Variants in REV1 observed in about 807,000 individuals in gnomAD.
REV1 encodes translesion synthesis protein REV1.
Under a neutral mutation model 137.4 loss-of-function variants are expected in REV1, and 42 were observed. That is an observed-to-expected ratio of 0.31 (90% CI 0.24 to 0.40). The LOEUF (loss-of-function observed/expected upper bound fraction) is 0.40, where lower values mean the gene tolerates loss of function less well. Among genes scored for constraint, REV1 ranks in the 10% least tolerant of loss-of-function variants. The pLI, the probability that REV1 is intolerant of heterozygous loss-of-function variation, is 1.00. For missense variants in REV1, 1,282 were observed against 1,490.1 expected (o/e 0.86, Z 2.30); for synonymous variants, 524 against 519.2 (o/e 1.01, Z -0.12).
At chr2:99,415,104 A>C (rs1184996802) in intron 12 of REV1, among the ~76,000 whole-genome samples, 4 of 152,160 alleles carry the variant, frequency 2.6e-5, no homozygotes, top group Non-Finnish European at 5.9e-5. Flanking sequence ...GTGTACCTCC[A>C]ACTCCTATTG....
chr2:99,404,465 T>C lies in REV1; in HGVS notation c.3024A>G (p.Ile1008Met). ...TTACCTGTGAAAATGCTGGAAGGGC[T>C]ATTAAATTTATTCCTGCGTCACTGT... The part of the protein sequence containing the change: ...ESNSDAGINL[I>M]ALPAFSQVDP... Residue 1008 changes from isoleucine (I) to methionine (M), a missense_variant, in exon 18 of 23, where the codon ATA (isoleucine) becomes ATG (methionine). Physicochemically the swap from Ile to Met is conservative, Grantham distance 10. Around this residue, in one of 7 missense-constraint regions of REV1, gnomAD observed 23 missense variants for 46.3 expected, o/e 0.50. Transcript: ENST00000258428. 6.2e-7 allele frequency: 1 copy of C among 1,613,990 alleles called. No individual in the cohort carries two copies. The highest frequency in any genetic ancestry group is 1.1e-5 in the South Asian group (1 of 91,040).
intron 5 of REV1, among the ~76,000 whole-genome samples, chr2:99,442,016 G>A (rs1681544698): frequency 6.6e-6 from 1 of 151,966 alleles, no homozygotes; most frequent in African/African-American, 2.4e-5. Context: ...CACTTTGGGA[G>A]GCCAAGGAAG....
At chr2:99,417,191 G>A (rs572338901) in intron 12 of REV1, among the ~76,000 whole-genome samples, 1 of 152,180 alleles carries the variant, frequency 6.6e-6, no homozygotes, top group African/African-American at 2.4e-5. Flanking sequence ...CCATGCTGGA[G>A]TGCAGTGGTG....
Position 99,424,232 on chromosome 2 carries a change from T to C in REV1, c.1596A>G (p.Leu532=), listed in dbSNP as rs28382918. 9 of 1,613,920 alleles carry C rather than the reference T, an allele frequency of 5.6e-6. No individual in the cohort carries two copies. Among genetic ancestry groups the C allele is most frequent in the South Asian group, 5.5e-5 (5 of 91,056 alleles). ...NGMFFGHAKQ[L]CPNLQAVPYD... ...ATGGAACAGCTTGAAGATTAGGACA[T>C]AGTTGTTTAGCATGCCCAAAAAACA... is the stretch of plus-strand genomic sequence containing the variant. Residue 532 remains leucine (L), a synonymous_variant, in exon 10 of 23, where the codon CTA becomes CTG. Coordinates refer to ENST00000258428, the MANE Select transcript of REV1 (RefSeq NM_016316.4).
chr2:99,440,728 T>G (rs1469616720), intron 5 of REV1, among the ~76,000 whole-genome samples: 1 of 152,186 alleles, frequency 6.6e-6, no homozygotes, highest in Non-Finnish European at 1.5e-5. Context: ...ATGTACAAAA[T>G]GTACTGAATA....
At chr2:99,458,782 T>C (rs887354227) in intron 3 of REV1, among the ~76,000 whole-genome samples, 1 of 152,352 alleles carries the variant, frequency 6.6e-6, no homozygotes. Flanking sequence ...TTATATGCTG[T>C]ATGTTTTATT....
At chr2:99,458,471 A>T (rs1473402227) in intron 3 of REV1, among the ~76,000 whole-genome samples, 1 of 152,252 alleles carries the variant, frequency 6.6e-6, no homozygotes, top group African/African-American at 2.4e-5. Flanking sequence ...GATCCCTCAT[A>T]CAAGGCTAGT....
Position 99,439,244 on chromosome 2 carries a change from A to T in REV1, c.570T>A (p.Asn190Lys), listed in dbSNP as rs1681162548. 6.2e-7 allele frequency: 1 copy of T among 1,614,174 alleles called. No individual in the cohort carries two copies. Among genetic ancestry groups the T allele is most frequent in the Non-Finnish European group, 8.5e-7 (1 of 1,180,024 alleles). ...TAAAATCATTATTTTCATCTTCTTC[A>T]TTCCAACTGTTCATGCCATTGACTT... ...EVKVNGMNSWNEEDENNDFSF... is the reference protein window; with the variant it reads ...EVKVNGMNSWKEEDENNDFSF... The change falls in exon 6 of 23, where the codon AAT (asparagine) becomes AAA (lysine). Residue 190 changes from asparagine to lysine, a missense_variant. By Grantham distance (94) the Asn-to-Lys change is moderately conservative. Around this residue, in one of 7 missense-constraint regions of REV1, gnomAD observed 432 missense variants for 438.0 expected, o/e 0.99. Transcript: ENST00000258428.
chr2:99,481,187 T>C (rs932321858), intron 1 of REV1, among the ~76,000 whole-genome samples: 1 of 152,208 alleles, frequency 6.6e-6, no homozygotes, highest in Non-Finnish European at 1.5e-5. Flanking sequence ...CACTTCATAA[T>C]TTCTTCTTCC....
chr2:99,486,690 T>C (rs1033895867), intron 1 of REV1, among the ~76,000 whole-genome samples: 1 of 152,108 alleles, frequency 6.6e-6, no homozygotes, highest in Admixed American at 6.5e-5. Flanking sequence ...AATCAGTAAA[T>C]GGTGGGAGCC....
intron 7 of REV1, 93 bp from the exon 8 acceptor site, chr2:99,434,541 C>CT (rs549064397): frequency 1.1e-4 from 72 of 631,300 alleles, no homozygotes; most frequent in South Asian, 2.5e-4. Context: ...AAAAACATGC[C>CT]TTTTTTTTCT....
chr2:99,438,429 A>C, intron 6 of REV1, 172 bp downstream of exon 6: 1 of 577,128 alleles, frequency 1.7e-6, no homozygotes. Flanking sequence ...TTGTTTTAAA[A>C]ATATTTTAAT....
chr2:99,424,102 G>A, intron 10 of REV1, 50 bp downstream of exon 10: 1 of 1,584,070 alleles, frequency 6.3e-7, no homozygotes, highest in Non-Finnish European at 8.6e-7. Flanking sequence ...TTTACTATTA[G>A]CTAAAAGAAG....
chr2:99,454,698 T>C (rs1358498111), intron 3 of REV1, among the ~76,000 whole-genome samples: 2 of 151,418 alleles, frequency 1.3e-5, no homozygotes, highest in African/African-American at 2.4e-5. Flanking sequence ...TGAGCTATGA[T>C]CAGTCTACTG....
intron 13 of REV1, among the ~76,000 whole-genome samples, chr2:99,411,918 G>A (rs1677210993): frequency 6.6e-6 from 1 of 151,818 alleles, no homozygotes; most frequent in Non-Finnish European, 1.5e-5. Flanking sequence ...TTATGATATG[G>A]TGTTGTTTGT....
At chr2:99,469,844 T>G (rs1463269078) in intron 1 of REV1, among the ~76,000 whole-genome samples, 2 of 152,150 alleles carry the variant, frequency 1.3e-5, no homozygotes, top group Admixed American at 1.3e-4. Context: ...CCAGGAACAT[T>G]CATTTTCATG....
intron 1 of REV1, among the ~76,000 whole-genome samples, chr2:99,466,108 T>C (rs1313195802): frequency 2.0e-5 from 3 of 151,554 alleles, no homozygotes; most frequent in Admixed American, 2.0e-4. Flanking sequence ...CGCCCGATTA[T>C]TATTTTTCTT....
chr2:99,414,162 G>C (rs1265804894), intron 12 of REV1, among the ~76,000 whole-genome samples: 1 of 152,084 alleles, frequency 6.6e-6, no homozygotes, highest in Non-Finnish European at 1.5e-5. Context: ...GTTTAAAAAA[G>C]AGAGCTCAGA....
intron 8 of REV1, among the ~76,000 whole-genome samples, chr2:99,430,799 C>G (rs1680020858): frequency 6.6e-6 from 1 of 152,084 alleles, no homozygotes; most frequent in Non-Finnish European, 1.5e-5. Flanking sequence ...AATTAAAACA[C>G]AACTTCATCA....
Sources: allele counts gnomAD v4.1 joint callset (sites outside exome capture counted in the v4.1 genomes callset), GRCh38; gene constraint gnomAD v4.1.1; regional missense constraint gnomAD v4.1.1; transcripts MANE v1.5; gene names NCBI Gene and HGNC (gene_info 2026-07-23, HGNC 2026-07-21).